TMEM135: variants seen among roughly 807,000 people sequenced by gnomAD.
The protein encoded by TMEM135 is peroxisomal membrane protein 52.
A neutral mutation model predicts 60.3 loss-of-function variants in TMEM135; 30 were observed. That is an observed-to-expected ratio of 0.50 (90% CI 0.37 to 0.68). The LOEUF (loss-of-function observed/expected upper bound fraction) is 0.68. Ranked by LOEUF, TMEM135 falls within the 30% of genes least tolerant of loss-of-function variation. The pLI is 0.00. For synonymous variants in TMEM135, 190 were observed against 186.7 expected, an observed-to-expected ratio of 1.02 and a Z score of -0.14; for missense variants, 468 against 548.8, an observed-to-expected ratio of 0.85 and a Z score of 1.47.
At chr11:87,088,796 A>G (rs79152269) in intron 3 of TMEM135, among the ~76,000 whole-genome samples, 2,283 of 152,298 alleles carry the variant, frequency 0.015, 58 homozygotes, top group African/African-American at 0.052. Context: ...GATCAAGACA[A>G]CTGTCTGTGA....
intron 4 of TMEM135, among the ~76,000 whole-genome samples, chr11:87,098,409 T>A (rs1040092309): frequency 3.3e-5 from 5 of 152,064 alleles, no homozygotes; most frequent in Admixed American, 3.3e-4. Context: ...GCATTAATGT[T>A]GTATTTTAGA....
chr11:87,150,018 G>A (rs554709995), intron 4 of TMEM135, among the ~76,000 whole-genome samples: 16 of 152,126 alleles, frequency 1.1e-4, no homozygotes, highest in African/African-American at 2.9e-4. Flanking sequence ...AAGAGTTAGC[G>A]ACCAGCCTGA....
chr11:87,236,675 T>A lies in TMEM135; in HGVS notation c.500T>A (p.Phe167Tyr). 6.2e-7 allele frequency: 1 copy of A among 1,612,306 alleles called. No individual in the cohort carries two copies. Among genetic ancestry groups the A allele is most frequent in the Non-Finnish European group, 8.5e-7 (1 of 1,178,834 alleles). The change falls in exon 6 of 15, where the codon TTC becomes TAC. Residue 167 changes from phenylalanine to tyrosine, a missense_variant. Physicochemically the swap from Phe to Tyr is conservative, Grantham distance 22 (BLOSUM62 3). Coordinates refer to ENST00000305494, the MANE Select transcript of TMEM135 (RefSeq NM_022918.4). The part of the protein sequence containing the change: ...LFCITAAMYM[F>Y]FFRCKDGLKG... The stretch of plus-strand genomic sequence containing the variant: ...TGCATCACAGCTGCCATGTACATGT[T>A]CTTTTTCAGGTATGTTCTGTTATAC...
intron 14 of TMEM135, among the ~76,000 whole-genome samples, chr11:87,320,064 A>G (rs1942795696): frequency 6.6e-6 from 1 of 152,212 alleles, no homozygotes; most frequent in Admixed American, 6.5e-5. Context: ...ATGAATTGCT[A>G]TCATTATTAA....
intron 5 of TMEM135, among the ~76,000 whole-genome samples, chr11:87,210,963 C>T (rs900871779): frequency 6.6e-6 from 1 of 152,076 alleles, no homozygotes; most frequent in African/African-American, 2.4e-5. Flanking sequence ...ATGCTAAAAA[C>T]CTCAACAAAT....
In TMEM135 at chr11:87,295,863, A is replaced by G. The variant is rs375688527; in HGVS notation, c.551+40A>G. On this transcript the variant is annotated intron_variant, in intron 7 of 14. Transcript: ENST00000305494. ...TTTTTATGTTGAGAGAGAATTTACA[A>G]GTTAACTTAAAAAATTATACATAAT... 1.5e-5 allele frequency: 23 copies of G among 1,513,598 alleles called. No individual in the cohort carries two copies. The African/African-American group carries it at 3.0e-4, about 20-fold the overall frequency. 93.8% of individuals were successfully genotyped at this position (1,513,598 alleles called of 1,614,324 possible). A position where few individuals can be genotyped will look rare whatever the true frequency, so the allele number is the denominator to read the frequency against.
chr11:87,103,472 GTTTTTTTT>G (rs1253430509), intron 4 of TMEM135, among the ~76,000 whole-genome samples: 1 of 79,654 alleles, frequency 1.3e-5, no homozygotes, highest in Non-Finnish European at 2.5e-5. Context: ...TGTTAGCCAT[GTTTTTTTT>G]GTTTTTTTTT....
chr11:87,181,792 G>T (rs965279011), intron 5 of TMEM135, among the ~76,000 whole-genome samples: 6 of 152,074 alleles, frequency 3.9e-5, no homozygotes, highest in Non-Finnish European at 8.8e-5. Context: ...GAGCAGTAGT[G>T]CTCAGAACAC....
At chr11:87,225,399 C>T (rs1940743596) in intron 5 of TMEM135, among the ~76,000 whole-genome samples, 1 of 151,982 alleles carries the variant, frequency 6.6e-6, no homozygotes, top group Admixed American at 6.6e-5. Flanking sequence ...CATTCAATAA[C>T]ATCTGCAATT....
In TMEM135 at chr11:87,319,331, T is replaced by C; in HGVS notation, c.1198T>C (p.Leu400=). 6.2e-7 allele frequency: 1 copy of C among 1,613,480 alleles called. No homozygotes were observed. Among genetic ancestry groups the C allele is most frequent in the Non-Finnish European group, 8.5e-7 (1 of 1,179,574 alleles). The part of the protein sequence containing the change: ...FQAAVMEVQT[L]RPSYWKFLLR... Reference sequence around the variant, plus strand: ...TCAGGCTGTCATGGAAGTTCAGACTTTGAGACCATCTTACTGGAAGTTCCT... The same window carrying C: ...TCAGGCTGTCATGGAAGTTCAGACTCTGAGACCATCTTACTGGAAGTTCCT... The change falls in exon 14 of 15, where the codon TTG becomes CTG. Residue 400 remains leucine (L), a synonymous_variant. Coordinates refer to ENST00000305494, the MANE Select transcript of TMEM135 (RefSeq NM_022918.4).
chr11:87,124,800 C>T (rs1937680188), intron 4 of TMEM135, among the ~76,000 whole-genome samples: 1 of 152,064 alleles, frequency 6.6e-6, no homozygotes, highest in Non-Finnish European at 1.5e-5. Flanking sequence ...TCCCTTCCTC[C>T]CTCCTTTTTC....
intron 6 of TMEM135, among the ~76,000 whole-genome samples, chr11:87,246,857 A>G: frequency 1.7e-5 from 2 of 116,858 alleles, no homozygotes; most frequent in Non-Finnish European, 3.8e-5. Context: ...CAACTCGTCA[A>G]AGTCATTCTC....
At chr11:87,201,218 C>T (rs964037535) in intron 5 of TMEM135, among the ~76,000 whole-genome samples, 6 of 152,142 alleles carry the variant, frequency 3.9e-5, no homozygotes, top group African/African-American at 1.4e-4. Flanking sequence ...GCTCCTGATA[C>T]ATCATCCTGT....
chr11:87,312,891 A>G (rs35767157), intron 10 of TMEM135, among the ~76,000 whole-genome samples: 19,146 of 151,770 alleles, frequency 0.13, 1,249 homozygotes, highest in South Asian at 0.14. Flanking sequence ...TCACTTTTCT[A>G]TTTCCAGAAC....
At chr11:87,183,272 A>C (rs1939565566) in intron 5 of TMEM135, among the ~76,000 whole-genome samples, 1 of 150,308 alleles carries the variant, frequency 6.7e-6, no homozygotes, top group Non-Finnish European at 1.5e-5. Context: ...CCTCCTGAGT[A>C]GTTGGGATTA....
At chr11:87,103,126 G>C (rs1857501641) in intron 4 of TMEM135, among the ~76,000 whole-genome samples, 1 of 152,270 alleles carries the variant, frequency 6.6e-6, no homozygotes, top group South Asian at 2.1e-4. Context: ...TAGTGCTGGA[G>C]TGAACATGGG....
At chr11:87,059,933 G>T (rs912832237) in intron 1 of TMEM135, among the ~76,000 whole-genome samples, 6 of 151,996 alleles carry the variant, frequency 3.9e-5, no homozygotes, top group Non-Finnish European at 5.9e-5. Context: ...GCATAAAATG[G>T]TGAAAATCTG....
intron 4 of TMEM135, among the ~76,000 whole-genome samples, chr11:87,099,702 T>TTTTTGG (rs1591018483): frequency 8.2e-6 from 1 of 121,916 alleles, no homozygotes; most frequent in African/African-American, 3.4e-5. Flanking sequence ...TTTTTTTTTT[T>TTTTTGG]GAGGCAGAGT....
intron 4 of TMEM135, among the ~76,000 whole-genome samples, chr11:87,126,940 A>G (rs913048056): frequency 1.3e-5 from 2 of 152,180 alleles, no homozygotes; most frequent in African/African-American, 2.4e-5. Context: ...AGGGGGAATG[A>G]TTAAGAATTG....
Sources: allele counts gnomAD v4.1 joint callset (sites outside exome capture counted in the v4.1 genomes callset), GRCh38; gene constraint gnomAD v4.1.1; transcripts MANE v1.5; gene names NCBI Gene and HGNC (gene_info 2026-07-23, HGNC 2026-07-21).